DIP2B: variants seen among roughly 807,000 people sequenced by gnomAD.
The protein encoded by DIP2B is DIP2 acetate--CoA ligase B (putative).
Under a neutral mutation model 198.0 loss-of-function variants are expected in DIP2B, and 76 were observed. The ratio of observed to expected loss-of-function variants is 0.38; its 90% CI spans 0.32 to 0.46. DIP2B has a LOEUF of 0.46. Among genes scored for constraint, DIP2B ranks in the 20% least tolerant of loss-of-function variants. DIP2B has a pLI of 0.99. For missense variants in DIP2B, 1,559 were observed against 1,978.4 expected (o/e 0.79, Z 4.02); for synonymous variants, 701 against 739.1 (o/e 0.95, Z 0.84).
chr12:50,572,972 G>A (rs1353220236), intron 1 of DIP2B, among the ~76,000 whole-genome samples: 1 of 152,212 alleles, frequency 6.6e-6, no homozygotes, highest in African/African-American at 2.4e-5. Context: ...TGGCTAGAGT[G>A]TGCTGTTAAA....
rs145745015 is a variant in DIP2B, at chr12:50,624,224, G to A, written c.101-1752G>A. Among the ~76,000 whole-genome samples, 700 of 152,194 alleles carry A rather than the reference G, an allele frequency of 4.6e-3. 8 individuals are homozygous for A. The highest frequency in any genetic ancestry group is 0.016 in the African/African-American group (661 of 41,524). On this transcript the variant is annotated intron_variant, in intron 1 of 37. Coordinates refer to ENST00000301180, the MANE Select transcript of DIP2B (RefSeq NM_173602.3). ...TGAGTTCTAGATAAAACCAACTGTT[G>A]ATTAGCTGTCTCTTCTTGTGTGTCC...
intron 1 of DIP2B, among the ~76,000 whole-genome samples, chr12:50,539,223 T>C (rs1958296703): frequency 1.5e-5 from 2 of 132,928 alleles, no homozygotes; most frequent in South Asian, 5.1e-4. Context: ...GGTAGCTCGC[T>C]CTTTTCTTTT....
At chr12:50,661,123 C>T (rs947851290) in intron 4 of DIP2B, among the ~76,000 whole-genome samples, 5 of 151,574 alleles carry the variant, frequency 3.3e-5, no homozygotes, top group Non-Finnish European at 7.4e-5. Flanking sequence ...AGTGGAAGCT[C>T]GAAAAAAATT....
intron 1 of DIP2B, among the ~76,000 whole-genome samples, chr12:50,517,249 TTA>T (rs1958074142): frequency 6.6e-6 from 1 of 151,858 alleles, no homozygotes; most frequent in African/African-American, 2.4e-5. Flanking sequence ...ATTTTTTTTT[TTA>T]AATTAAATAG....
At chr12:50,692,865 A>AGTT in intron 13 of DIP2B, 84 bp from the exon 14 acceptor site, 2 of 1,140,618 alleles carry the variant, frequency 1.8e-6, no homozygotes, top group African/African-American at 1.6e-5. Context: ...ACATCAAATC[A>AGTT]GTTGTTTATA....
chr12:50,563,836 C>T (rs1958541215), intron 1 of DIP2B, among the ~76,000 whole-genome samples: 1 of 151,562 alleles, frequency 6.6e-6, no homozygotes, highest in East Asian at 1.9e-4. Context: ...TGTACCTTAA[C>T]TTCTTTGATC....
chr12:50,627,381 G>A (rs1003289843), intron 2 of DIP2B, among the ~76,000 whole-genome samples: 3 of 152,060 alleles, frequency 2.0e-5, no homozygotes, highest in Admixed American at 1.3e-4. Context: ...TCACCCAGGC[G>A]GGAGCGCAGT....
chr12:50,661,374 T>G (rs1371761309), intron 4 of DIP2B, among the ~76,000 whole-genome samples: 9 of 152,220 alleles, frequency 5.9e-5, no homozygotes, highest in Non-Finnish European at 1.5e-5. Context: ...GTTGAGCTGT[T>G]CATACTGATC....
chr12:50,528,230 CTTT>C (rs954160858), intron 1 of DIP2B, among the ~76,000 whole-genome samples: 1 of 140,426 alleles, frequency 7.1e-6, no homozygotes. Context: ...CCTGACCCTT[CTTT>C]TTTTTTTTTT....
chr12:50,733,259 T>C (rs966678171), intron 32 of DIP2B, among the ~76,000 whole-genome samples: 10 of 151,030 alleles, frequency 6.6e-5, no homozygotes, highest in African/African-American at 1.9e-4. Context: ...TCTTTCTTTT[T>C]TTTTTTTTTT....
At position 50,706,627 on chromosome 12, in the gene DIP2B, A is replaced by C. The variant is rs1365888720; in HGVS notation, c.2496A>C (p.Gly832=). 1.2e-6 allele frequency: 2 copies of C among 1,614,062 alleles called. No individual in the cohort carries two copies. The highest frequency in any genetic ancestry group is 1.7e-6 in the Non-Finnish European group (2 of 1,179,994). The change falls in exon 21 of 38, where the codon GGA becomes GGC. Residue 832 remains glycine, a synonymous_variant. Transcript: ENST00000301180. ...ATGCTGATGACATTGTTGCTACTGGATTGGCTGTAGAATCAATAAAGACTG... is the reference window on the plus strand; with the variant it reads ...ATGCTGATGACATTGTTGCTACTGGCTTGGCTGTAGAATCAATAAAGACTG... The part of the protein sequence containing the change: ...RHNADDIVAT[G]LAVESIKTVY...
In DIP2B at chr12:50,625,980, C is replaced by T; in HGVS notation, c.105C>T (p.Asp35=). The stretch of plus-strand genomic sequence containing the variant: ...TTCTGTTTCTTGCTATTTTAGGGGA[C>T]ATCACCCAGAAGGGCTATGAAAAGA... The part of the protein sequence containing the change: ...AELELELSEG[D]ITQKGYEKKR... Residue 35 remains aspartate (D), a synonymous_variant, in exon 2 of 38, where the codon GAC becomes GAT. Coordinates refer to ENST00000301180, the MANE Select transcript of DIP2B (RefSeq NM_173602.3). 1 of 1,613,926 alleles carries T rather than the reference C, an allele frequency of 6.2e-7. No homozygotes were observed. Among genetic ancestry groups the T allele is most frequent in the Non-Finnish European group, 8.5e-7 (1 of 1,179,910 alleles).
intron 23 of DIP2B, among the ~76,000 whole-genome samples, 181 bp downstream of exon 23, chr12:50,714,777 A>C (rs573749950): frequency 6.8e-6 from 1 of 146,432 alleles, no homozygotes; most frequent in South Asian, 2.2e-4. Context: ...CTGTCTCTAC[A>C]AAAAAAAATG....
In DIP2B at chr12:50,747,959, T is replaced by A. The variant is rs1940362649; in HGVS notation, c.*3120T>A. On this transcript the variant is annotated 3_prime_UTR_variant, in exon 38 of 38. Transcript: ENST00000301180. ...ACTTCCTGCCTCATAAAGGGCCAGGTCTCCCCAGTACCAAGTCCTTTCCTC... is the reference window on the plus strand; with the variant it reads ...ACTTCCTGCCTCATAAAGGGCCAGGACTCCCCAGTACCAAGTCCTTTCCTC... 6.6e-6 allele frequency: 1 copy of A among 152,622 alleles called. No homozygotes were observed. The highest frequency in any genetic ancestry group is 2.4e-5 in the African/African-American group (1 of 41,436). The allele number at this position is 152,622 out of a possible 1,614,324, so 9.5% of individuals were successfully genotyped here.
intron 3 of DIP2B, among the ~76,000 whole-genome samples, chr12:50,648,184 C>A (rs1232582350): frequency 1.3e-5 from 2 of 151,938 alleles, no homozygotes; most frequent in Admixed American, 6.6e-5. Context: ...ATAACATATT[C>A]CACTTAGTCT....
chr12:50,520,009 G>T, intron 1 of DIP2B, among the ~76,000 whole-genome samples: 1 of 145,036 alleles, frequency 6.9e-6, no homozygotes. Context: ...ATTTTATAGT[G>T]CTGACCAGTC....
chr12:50,593,704 T>TA (rs1958840878), intron 1 of DIP2B, among the ~76,000 whole-genome samples: 1 of 44,012 alleles, frequency 2.3e-5, no homozygotes, highest in Admixed American at 2.6e-4. Context: ...TCCTCTCCTC[T>TA]CCCCTCCTCT....
intron 4 of DIP2B, among the ~76,000 whole-genome samples, chr12:50,665,472 G>A (rs571069294): frequency 1.2e-4 from 18 of 152,202 alleles, no homozygotes; most frequent in East Asian, 3.9e-4. Flanking sequence ...CTTTATAGCC[G>A]CGACTCATGC....
At chr12:50,616,220 G>A (rs910123323) in intron 1 of DIP2B, among the ~76,000 whole-genome samples, 44 of 152,334 alleles carry the variant, frequency 2.9e-4, no homozygotes, top group African/African-American at 9.9e-4. Context: ...TCTAGTTCTT[G>A]ACATGGAAAT....
Sources: gnomAD v4.1 joint callset for allele counts (sites outside exome capture counted in the v4.1 genomes callset) on GRCh38, gnomAD v4.1.1 for gene constraint, MANE v1.5 for transcripts, NCBI Gene and HGNC (gene_info 2026-07-23, HGNC 2026-07-21) for gene names.